Variants in NRG1 observed in about 807,000 individuals in gnomAD.
NRG1 encodes neuregulin 1.
Under a neutral mutation model 63.8 loss-of-function variants are expected in NRG1, and 18 were observed. That is an observed-to-expected ratio of 0.28 (90% confidence interval 0.19 to 0.42). NRG1 has a LOEUF of 0.42. NRG1 is among the 10% of genes least tolerant of loss of function. The pLI is 1.00. For synonymous variants in NRG1, 302 were observed against 301.3 expected (o/e 1.00, Z -0.02); for missense variants, 762 against 814.7 (o/e 0.94, Z 0.79).
At chr8:31,659,457 T>G (rs560520303) in intron 1 of NRG1, among the ~76,000 whole-genome samples, 1 of 152,034 alleles carries the variant, frequency 6.6e-6, no homozygotes, top group Non-Finnish European at 1.5e-5. Context: ...GGGAAGCTGG[T>G]GAGAGGGTGA....
rs565856275 is a variant in NRG1, at chr8:32,623,129, A to G, written c.502+6244A>G. Among the ~76,000 whole-genome samples, 28 of 152,344 alleles carry G rather than the reference A, an allele frequency of 1.8e-4. No homozygotes were observed. In the East Asian group the frequency reaches 4.1e-3, roughly 22 times the overall value. On this transcript the variant is annotated intron_variant, in intron 5 of 11. Coordinates refer to ENST00000356819, the Ensembl canonical transcript of NRG1. ...TTTGGCACCTAAAAAAGCTAGCTGA[A>G]GGAAAAGAATGTCTTTGCAGAGACA...
intron 1 of NRG1, among the ~76,000 whole-genome samples, chr8:32,365,853 A>G (rs1387310984): frequency 2.6e-5 from 4 of 152,220 alleles, no homozygotes; most frequent in African/African-American, 9.7e-5. Context: ...TGATTTAGTA[A>G]ATAATTTTCC....
At chr8:31,701,383 GAATTTCTTGTT>G (rs1343376322) in intron 1 of NRG1, among the ~76,000 whole-genome samples, 1 of 152,154 alleles carries the variant, frequency 6.6e-6, no homozygotes, top group African/African-American at 2.4e-5. Context: ...GATTTTCTGT[GAATTTCTTGTT>G]AATTTCTTGA....
intron 1 of NRG1, among the ~76,000 whole-genome samples, chr8:32,128,314 T>C (rs1377878365): frequency 6.6e-6 from 1 of 151,920 alleles, no homozygotes; most frequent in East Asian, 1.9e-4. Context: ...TTCCCCCTGA[T>C]GGCAGTAAAA....
chr8:32,166,404 A>G (rs1585778430), intron 1 of NRG1, among the ~76,000 whole-genome samples: 1 of 152,200 alleles, frequency 6.6e-6, no homozygotes. Flanking sequence ...AAATTGCCTC[A>G]TTGTCATTCC....
At chr8:31,956,089 A>G (rs1804351283) in intron 1 of NRG1, among the ~76,000 whole-genome samples, 1 of 151,986 alleles carries the variant, frequency 6.6e-6, no homozygotes, top group Admixed American at 6.6e-5. Context: ...AACCTTGGAA[A>G]AGTCTATAGC....
chr8:32,204,892 GT>G (rs1843866746), intron 1 of NRG1, among the ~76,000 whole-genome samples: 1 of 152,140 alleles, frequency 6.6e-6, no homozygotes, highest in Non-Finnish European at 1.5e-5. Context: ...TCAGAAATGT[GT>G]TCAAAATCAT....
rs1853377768 is a variant in NRG1 at position 32,645,733 on chromosome 8, C to T, written c.502+28848C>T. Among the ~76,000 whole-genome samples, 4 of 152,226 alleles carry T rather than the reference C, an allele frequency of 2.6e-5. No homozygotes were observed. The South Asian group carries it at 6.2e-4, about 24-fold the overall frequency. Reference sequence around the variant, plus strand: ...ATTGACATAAGTGAACAAAATGGTTCCTTGGAAACCGTTTAGATGTCCAAT... The same window carrying T: ...ATTGACATAAGTGAACAAAATGGTTTCTTGGAAACCGTTTAGATGTCCAAT... On this transcript the variant is annotated intron_variant, in intron 5 of 11. Transcript: ENST00000356819.
intron 1 of NRG1, among the ~76,000 whole-genome samples, chr8:32,523,095 G>T (rs147035958): frequency 2.6e-5 from 4 of 152,010 alleles, no homozygotes; most frequent in African/African-American, 9.7e-5. Context: ...ATGAGTCCAC[G>T]CCCAGCCCTT....
chr8:32,767,390 A>G (rs1831508849), exon 12 of NRG1: 1 of 152,194 alleles, frequency 6.6e-6, no homozygotes, highest in East Asian at 1.9e-4. Context: ...ATCTTGTATT[A>G]ATAATACTGG....
At chr8:31,851,249 T>C (rs886698532) in intron 1 of NRG1, among the ~76,000 whole-genome samples, 1 of 152,232 alleles carries the variant, frequency 6.6e-6, no homozygotes, top group Non-Finnish European at 1.5e-5. Flanking sequence ...AAATGTTTGA[T>C]GGTGTCTTGG....
chr8:32,423,653 G>A (rs1038197974), intron 1 of NRG1, among the ~76,000 whole-genome samples: 1 of 151,980 alleles, frequency 6.6e-6, no homozygotes, highest in Non-Finnish European at 1.5e-5. Flanking sequence ...CTCAAAAAAT[G>A]ATAATAATAA....
chr8:32,672,037 T>C (rs1207480828), intron 5 of NRG1, among the ~76,000 whole-genome samples: 1 of 128,688 alleles, frequency 7.8e-6, no homozygotes, highest in Non-Finnish European at 1.7e-5. Context: ...CCGATATGTG[T>C]TTTTCATCTC....
At chr8:32,119,973 C>G (rs907604662) in intron 1 of NRG1, among the ~76,000 whole-genome samples, 2 of 152,014 alleles carry the variant, frequency 1.3e-5, no homozygotes, top group Non-Finnish European at 2.9e-5. Context: ...GGTCAAAGTC[C>G]TATTCTTGTT....
chr8:31,898,395 A>G (rs1831779938), intron 1 of NRG1, among the ~76,000 whole-genome samples: 1 of 152,216 alleles, frequency 6.6e-6, no homozygotes, highest in Admixed American at 6.5e-5. Context: ...TGACATAACT[A>G]TAGTACATCT....
At chr8:32,312,498 CA>C (rs1856935821) in intron 1 of NRG1, among the ~76,000 whole-genome samples, 1 of 151,758 alleles carries the variant, frequency 6.6e-6, no homozygotes, top group Non-Finnish European at 1.5e-5. Flanking sequence ...TCAAGGGCTT[CA>C]AACAGTCCCT....
intron 1 of NRG1, among the ~76,000 whole-genome samples, chr8:31,650,041 C>T (rs4565421): frequency 0.27 from 41,425 of 151,914 alleles, 5,939 homozygotes; most frequent in African/African-American, 0.33. Context: ...TGCAGTGGGA[C>T]GATCTTGGCT....
At position 32,759,302 on chromosome 8, in the gene NRG1, C is replaced by T; in HGVS notation, c.922-4C>T. ...CTTCAAGTTGTGTCTCTTTGTTTAT[C>T]CAGCAATACGTATCTAAAAACGTCA... is the stretch of plus-strand genomic sequence containing the variant. On this transcript the variant is annotated splice_region_variant and splice_polypyrimidine_tract_variant and intron_variant, in intron 9 of 11. Coordinates refer to ENST00000356819, the Ensembl canonical transcript of NRG1. 2 of 1,611,396 alleles carry T rather than the reference C, an allele frequency of 1.2e-6. No individual in the cohort carries two copies. The highest frequency in any genetic ancestry group is 2.2e-5 in the East Asian group (1 of 44,792).
intron 1 of NRG1, among the ~76,000 whole-genome samples, chr8:32,433,478 C>T (rs1383446195): frequency 1.3e-5 from 2 of 152,102 alleles, no homozygotes; most frequent in East Asian, 3.9e-4. Context: ...CCCTTTTGGG[C>T]TTGTATTTTT....
Sources: gnomAD v4.1 joint callset for allele counts (sites outside exome capture counted in the v4.1 genomes callset) on GRCh38, gnomAD v4.1.1 for gene constraint, MANE v1.5 for transcripts, NCBI Gene and HGNC (gene_info 2026-07-23, HGNC 2026-07-21) for gene names.